The following CNTN5 variants were observed in gnomAD, a reference collection of about 807,000 sequenced individuals.
CNTN5 encodes contactin 5, also known as contactin-5.
CNTN5 carries 77 observed loss-of-function variants against 129.1 expected under a neutral mutation model. That is an observed-to-expected ratio of 0.60 (90% CI 0.50 to 0.72). The LOEUF (loss-of-function observed/expected upper bound fraction) is 0.72. CNTN5 is among the 30% of genes least tolerant of loss of function. The probability of loss-of-function intolerance (pLI) is 0.00; values close to 1 mark genes in which losing one functional copy is unlikely to be tolerated. For missense variants in CNTN5, 1,478 were observed against 1,328.8 expected (o/e 1.11, Z -1.75); for synonymous variants, 509 against 465.6 (o/e 1.09, Z -1.20).
intron 8 of CNTN5, among the ~76,000 whole-genome samples, chr11:99,959,417 C>T (rs752977604): frequency 1.2e-4 from 19 of 152,204 alleles, no homozygotes; most frequent in Non-Finnish European, 2.4e-4. Flanking sequence ...TTAACTGCAT[C>T]TCCATCTGCA....
At chr11:99,386,291 A>G (rs1260808285) in intron 2 of CNTN5, among the ~76,000 whole-genome samples, 1 of 152,234 alleles carries the variant, frequency 6.6e-6, no homozygotes, top group Non-Finnish European at 1.5e-5. Flanking sequence ...GTGCAAAGCA[A>G]AAACAAATTT....
chr11:99,402,545 A>G (rs1941866995), intron 2 of CNTN5, among the ~76,000 whole-genome samples: 1 of 152,078 alleles, frequency 6.6e-6, no homozygotes, highest in African/African-American at 2.4e-5. Context: ...TTGTTTTTAA[A>G]TTTGTTTTTG....
At chr11:100,077,191 CAG>C (rs1242794366) in intron 13 of CNTN5, among the ~76,000 whole-genome samples, 3 of 152,236 alleles carry the variant, frequency 2.0e-5, no homozygotes, top group African/African-American at 7.2e-5. Context: ...TAAATGGAAA[CAG>C]AGGTGTTAGA....
chr11:99,269,632 C>T (rs1863080163), intron 1 of CNTN5, among the ~76,000 whole-genome samples: 1 of 151,776 alleles, frequency 6.6e-6, no homozygotes, highest in African/African-American at 2.4e-5. Flanking sequence ...CTTATATTAA[C>T]AAAAGTGTTG....
At chr11:99,595,678 C>G (rs1950104468) in intron 3 of CNTN5, among the ~76,000 whole-genome samples, 1 of 151,900 alleles carries the variant, frequency 6.6e-6, no homozygotes. Context: ...TAAAGAAAAA[C>G]TAACAATACA....
chr11:99,905,859 C>A (rs1423470590), intron 6 of CNTN5, among the ~76,000 whole-genome samples: 1 of 152,092 alleles, frequency 6.6e-6, no homozygotes, highest in Non-Finnish European at 1.5e-5. Flanking sequence ...CCTTCACATC[C>A]CTTGTGAGAT....
chr11:99,308,139 G>T (rs931555947), intron 1 of CNTN5, among the ~76,000 whole-genome samples: 4 of 152,160 alleles, frequency 2.6e-5, no homozygotes, highest in African/African-American at 9.6e-5. Context: ...TCCAGTCTCT[G>T]CAGCTTTTGC....
intron 3 of CNTN5, among the ~76,000 whole-genome samples, chr11:99,610,695 C>T (rs17603978): frequency 0.13 from 20,361 of 151,756 alleles, 1,544 homozygotes; most frequent in Non-Finnish European, 0.18. Flanking sequence ...TTCCAGTGGC[C>T]GCATGTTAGG....
chr11:99,065,141 T>A (rs1432082627), intron 1 of CNTN5, among the ~76,000 whole-genome samples: 1 of 150,566 alleles, frequency 6.6e-6, no homozygotes, highest in Non-Finnish European at 1.5e-5. Flanking sequence ...TTCAGTTTTT[T>A]AATTAAATGC....
At chr11:100,057,979 G>GA (rs560641994) in intron 9 of CNTN5, among the ~76,000 whole-genome samples, 63 of 152,108 alleles carry the variant, frequency 4.1e-4, no homozygotes, top group African/African-American at 1.5e-3. Context: ...CTAAAGAAAT[G>GA]AAATGTTAAG....
At chr11:100,189,182 A>G (rs1343158105) in intron 13 of CNTN5, among the ~76,000 whole-genome samples, 3 of 151,992 alleles carry the variant, frequency 2.0e-5, no homozygotes, top group African/African-American at 7.2e-5. Flanking sequence ...TCATCATGCA[A>G]TATACCCACC....
rs182452766 is a variant in CNTN5 at position 99,995,955 on chromosome 11, G to A, written c.878-6079G>A. Among the ~76,000 whole-genome samples, 127 of 152,202 alleles carry A rather than the reference G, an allele frequency of 8.3e-4. 1 individual carries two copies. Among genetic ancestry groups the A allele is most frequent in the South Asian group, 8.3e-4 (4 of 4,820 alleles). On this transcript the variant is annotated intron_variant, in intron 8 of 24. Coordinates refer to ENST00000524871, the MANE Select transcript of CNTN5 (RefSeq NM_014361.4). The stretch of plus-strand genomic sequence containing the variant: ...CCCCTGTCTAGAACTCATCCTGAGC[G>A]TCATTCTCTCATTTTTACTGTGTGG...
intron 13 of CNTN5, among the ~76,000 whole-genome samples, chr11:100,164,402 A>AT: frequency 6.6e-6 from 1 of 151,776 alleles, no homozygotes; most frequent in East Asian, 1.9e-4. Context: ...AGAGATAGCT[A>AT]TATCTTTCTT....
chr11:99,638,401 C>G (rs1565375970), intron 3 of CNTN5, among the ~76,000 whole-genome samples: 3 of 152,110 alleles, frequency 2.0e-5, no homozygotes, highest in South Asian at 4.1e-4. Context: ...CCCTCCAAAC[C>G]TCATGTCCTT....
chr11:100,313,563 TAA>T (rs1260286963), intron 21 of CNTN5, among the ~76,000 whole-genome samples: 1 of 151,806 alleles, frequency 6.6e-6, no homozygotes, highest in Non-Finnish European at 1.5e-5. Context: ...TCTAAGAGGG[TAA>T]GTCAGATAGG....
chr11:99,375,302 C>CAAAAAAAAAAAAAAAAAA (rs397848951), intron 2 of CNTN5, among the ~76,000 whole-genome samples: 1 of 53,570 alleles, frequency 1.9e-5, no homozygotes, highest in Non-Finnish European at 3.0e-5. Context: ...GAGTCTGTCT[C>CAAAAAAAAAAAAAAAAAA]AAAAAAAAAA....
At chr11:99,239,459 C>A (rs1474621771) in intron 1 of CNTN5, among the ~76,000 whole-genome samples, 1 of 152,110 alleles carries the variant, frequency 6.6e-6, no homozygotes, top group African/African-American at 2.4e-5. Context: ...TATTAGGCGA[C>A]CTCTGTTTTT....
intron 13 of CNTN5, among the ~76,000 whole-genome samples, chr11:100,088,654 A>T (rs1944644584): frequency 6.6e-6 from 1 of 152,072 alleles, no homozygotes; most frequent in African/African-American, 2.4e-5. Context: ...GCATAAATTT[A>T]TGAAAACACA....
intron 1 of CNTN5, among the ~76,000 whole-genome samples, chr11:99,200,958 G>C (rs1859143051): frequency 6.7e-6 from 1 of 148,510 alleles, no homozygotes; most frequent in Non-Finnish European, 1.5e-5. Context: ...TTTAACAACA[G>C]CAACAAAAAA....
Sources: allele counts gnomAD v4.1 joint callset (sites outside exome capture counted in the v4.1 genomes callset), GRCh38; gene constraint gnomAD v4.1.1; transcripts MANE v1.5; gene names NCBI Gene and HGNC (gene_info 2026-07-23, HGNC 2026-07-21).